Variants in SEMA3A observed in about 807,000 individuals in gnomAD.
SEMA3A encodes the protein semaphorin 3A, also known as semaphorin-3A.
In SEMA3A, 29 loss-of-function variants were observed where a neutral mutation model predicts 97.9. The observed-to-expected ratio is 0.30, with a 90% CI of 0.22 to 0.40. The LOEUF (loss-of-function observed/expected upper bound fraction) is 0.40. Among genes scored for constraint, SEMA3A ranks in the 10% least tolerant of loss-of-function variants. The pLI, the probability that SEMA3A is intolerant of heterozygous loss-of-function variation, is 1.00. For synonymous variants in SEMA3A, 321 were observed against 323.7 expected (o/e 0.99, Z 0.09); for missense variants, 763 against 951.3 (o/e 0.80, Z 2.60).
At chr7:84,037,447 C>A (rs1791982073) in intron 6 of SEMA3A, among the ~76,000 whole-genome samples, 1 of 152,064 alleles carries the variant, frequency 6.6e-6, no homozygotes. Flanking sequence ...CCCATCTCAG[C>A]CTCCCAAGTA....
At chr7:84,017,972 G>C (rs1336380263) in intron 6 of SEMA3A, among the ~76,000 whole-genome samples, 1 of 152,080 alleles carries the variant, frequency 6.6e-6, no homozygotes, top group Non-Finnish European at 1.5e-5. Flanking sequence ...TGTACTCATA[G>C]TAAATATATC....
chr7:84,048,669 T>C (rs1239718125), intron 5 of SEMA3A, among the ~76,000 whole-genome samples: 1 of 151,862 alleles, frequency 6.6e-6, no homozygotes, highest in Non-Finnish European at 1.5e-5. Context: ...TAAACCACAG[T>C]TAAAAACTAA....
chr7:84,154,064 G>A (rs1420668433), intron 1 of SEMA3A, among the ~76,000 whole-genome samples: 1 of 151,834 alleles, frequency 6.6e-6, no homozygotes, highest in African/African-American at 2.4e-5. Context: ...AAATATTTTG[G>A]GAGGTCTAGC....
At chr7:84,175,976 T>C (rs962474686) in intron 1 of SEMA3A, among the ~76,000 whole-genome samples, 1 of 152,178 alleles carries the variant, frequency 6.6e-6, no homozygotes, top group South Asian at 2.1e-4. Context: ...TTAAATTTTC[T>C]CAGCACTCCT....
intron 4 of SEMA3A, among the ~76,000 whole-genome samples, chr7:84,097,081 T>C (rs1324731471): frequency 6.6e-6 from 1 of 152,098 alleles, no homozygotes; most frequent in East Asian, 1.9e-4. Flanking sequence ...AAAGGGCAAG[T>C]AAATGTGGGA....
intron 5 of SEMA3A, among the ~76,000 whole-genome samples, chr7:84,057,362 T>C (rs1351383612): frequency 6.6e-6 from 1 of 152,068 alleles, no homozygotes; most frequent in Non-Finnish European, 1.5e-5. Flanking sequence ...CCTTGTGCTA[T>C]GTTCACATCT....
At chr7:84,319,410 G>C (rs574016829) in intron 2 of SEMA3A, among the ~76,000 whole-genome samples, 1 of 151,532 alleles carries the variant, frequency 6.6e-6, no homozygotes, top group Non-Finnish European at 1.5e-5. Flanking sequence ...AAGGGGGAAG[G>C]GGGTAAAGAG....
intron 3 of SEMA3A, among the ~76,000 whole-genome samples, chr7:84,304,251 G>T (rs996907569): frequency 1.3e-5 from 2 of 151,992 alleles, no homozygotes; most frequent in Admixed American, 6.6e-5. Flanking sequence ...GTAGAGCAGG[G>T]GTCAGCAATT....
intron 5 of SEMA3A, among the ~76,000 whole-genome samples, chr7:84,056,520 G>C (rs771866381): frequency 6.6e-6 from 1 of 151,852 alleles, no homozygotes; most frequent in East Asian, 1.9e-4. Flanking sequence ...AAGCCATTAT[G>C]TTGTTAACAC....
chr7:84,450,813 G>A (rs571687055), intron 1 of SEMA3A, among the ~76,000 whole-genome samples: 86 of 152,164 alleles, frequency 5.7e-4, no homozygotes, highest in African/African-American at 2.0e-3. Context: ...CCTCTTTGTA[G>A]GAATATCTAT....
intron 1 of SEMA3A, among the ~76,000 whole-genome samples, chr7:84,466,090 G>C (rs1224276194): frequency 6.6e-6 from 1 of 152,074 alleles, no homozygotes; most frequent in Non-Finnish European, 1.5e-5. Flanking sequence ...CAACAAGTTA[G>C]TCTGTGACAT....
At chr7:84,019,938 T>A (rs1174590213) in intron 6 of SEMA3A, among the ~76,000 whole-genome samples, 1 of 151,970 alleles carries the variant, frequency 6.6e-6, no homozygotes, top group African/African-American at 2.4e-5. Flanking sequence ...TCTTAAATTT[T>A]TCTTTAGGTG....
At chr7:84,269,837 T>C (rs552333299) in intron 3 of SEMA3A, among the ~76,000 whole-genome samples, 6 of 152,278 alleles carry the variant, frequency 3.9e-5, no homozygotes, top group African/African-American at 1.4e-4. Context: ...TTTTGGCATA[T>C]GTATTTTTTT....
chr7:84,425,341 TG>T (rs372573500), intron 1 of SEMA3A, among the ~76,000 whole-genome samples: 21,591 of 127,364 alleles, frequency 0.17, 2,003 homozygotes, highest in Middle Eastern at 0.29. Flanking sequence ...TATAATATAT[TG>T]ATATAAATAT....
chr7:84,294,628 T>A (rs1213301415), intron 3 of SEMA3A, among the ~76,000 whole-genome samples: 1 of 152,060 alleles, frequency 6.6e-6, no homozygotes, highest in Non-Finnish European at 1.5e-5. Flanking sequence ...TGGCATATTT[T>A]GATTGTAGGA....
intron 3 of SEMA3A, among the ~76,000 whole-genome samples, chr7:84,117,349 T>C (rs1235390440): frequency 2.0e-5 from 3 of 152,194 alleles, no homozygotes; most frequent in Non-Finnish European, 2.9e-5. Flanking sequence ...AGAAAAAACA[T>C]GTAGGACAAA....
At chr7:84,421,961 T>C (rs1433879756) in intron 1 of SEMA3A, among the ~76,000 whole-genome samples, 1 of 152,124 alleles carries the variant, frequency 6.6e-6, no homozygotes, top group South Asian at 2.1e-4. Context: ...TCTTCAGGGA[T>C]ATTGGCCTGA....
At chr7:84,181,339 T>A (rs73709584) in intron 1 of SEMA3A, among the ~76,000 whole-genome samples, 21 of 147,854 alleles carry the variant, frequency 1.4e-4, no homozygotes, top group Admixed American at 2.7e-4. Context: ...TATATATATA[T>A]AACACACATA....
chr7:84,134,781 A>C lies in SEMA3A; in HGVS notation c.270+13T>G, dbSNP rs749999537. ...TCAAAATAACTATAGTGCATATATT[A>C]GAATACTGATACCTTTTGAAAATCC... is the stretch of plus-strand genomic sequence containing the variant. On this transcript the variant is annotated intron_variant, in intron 2 of 16. Transcript: ENST00000265362. 2 of 1,588,584 alleles carry C rather than the reference A, an allele frequency of 1.3e-6. No homozygotes were observed. Among genetic ancestry groups the C allele is most frequent in the Non-Finnish European group, 1.7e-6 (2 of 1,161,618 alleles).
Sources: allele counts gnomAD v4.1 joint callset (sites outside exome capture counted in the v4.1 genomes callset), GRCh38; gene constraint gnomAD v4.1.1; transcripts MANE v1.5; gene names NCBI Gene and HGNC (gene_info 2026-07-23, HGNC 2026-07-21).